The following SPOCK1 variants were observed in gnomAD, a reference collection of about 807,000 sequenced individuals.
SPOCK1 encodes the protein testican-1.
A neutral mutation model predicts 55.3 loss-of-function variants in SPOCK1; 23 were observed. The ratio of observed to expected loss-of-function variants is 0.42; its 90% CI spans 0.30 to 0.59. The LOEUF is 0.59. Ranked by LOEUF, SPOCK1 falls within the 20% of genes least tolerant of loss-of-function variation. SPOCK1 has a pLI of 0.22. For missense variants in SPOCK1, 499 were observed against 552.5 expected (o/e 0.90, Z 0.97); for synonymous variants, 226 against 221.0 (o/e 1.02, Z -0.20).
intron 4 of SPOCK1, among the ~76,000 whole-genome samples, chr5:137,137,752 G>T (rs1002316615): frequency 6.6e-6 from 1 of 152,234 alleles, no homozygotes; most frequent in African/African-American, 2.4e-5. Context: ...AACTGCAGAC[G>T]CAGGTGCAAT....
At chr5:137,273,320 A>T in intron 2 of SPOCK1, 1 of 948,076 alleles carries the variant, frequency 1.1e-6, no homozygotes, top group Non-Finnish European at 1.3e-6. Flanking sequence ...TTTACATTTT[A>T]TTTGGCAACT....
chr5:137,169,721 C>T lies in SPOCK1; in HGVS notation c.233-29027G>A, dbSNP rs1754712958. On this transcript the variant is annotated intron_variant, in intron 3 of 10. Coordinates refer to ENST00000394945, the MANE Select transcript of SPOCK1 (RefSeq NM_004598.4). ...TTTCACATGGATTATCTCATTTAGT[C>T]CTCATCAGAAGTCTGGGAAGTAAGA... Among the ~76,000 whole-genome samples, 3 of 152,166 alleles carry T rather than the reference C, an allele frequency of 2.0e-5. No individual in the cohort carries two copies. In the South Asian group the frequency reaches 6.2e-4, roughly 32 times the overall value.
intron 6 of SPOCK1, among the ~76,000 whole-genome samples, chr5:137,046,939 A>G (rs1165069209): frequency 5.7e-5 from 1 of 17,542 alleles, no homozygotes; most frequent in African/African-American, 1.1e-4. Flanking sequence ...GCTGGATTAC[A>G]TTTATTGATT....
At chr5:137,193,273 G>A (rs1052856363) in intron 3 of SPOCK1, among the ~76,000 whole-genome samples, 7 of 152,136 alleles carry the variant, frequency 4.6e-5, no homozygotes, top group Admixed American at 2.6e-4. Context: ...AGGAGGTCCA[G>A]GCAAGAGACA....
chr5:137,045,054 T>C (rs1184955767), intron 6 of SPOCK1, among the ~76,000 whole-genome samples: 3 of 142,810 alleles, frequency 2.1e-5, no homozygotes, highest in African/African-American at 7.9e-5. Flanking sequence ...TGTTGGACAT[T>C]TGGGTTGGTT....
intron 2 of SPOCK1, among the ~76,000 whole-genome samples, chr5:137,295,722 G>GAA (rs5871632): frequency 6.7e-6 from 1 of 149,706 alleles, no homozygotes; most frequent in Non-Finnish European, 1.5e-5. Flanking sequence ...CATTTTTACT[G>GAA]AAAAAAAAAA....
chr5:137,214,515 C>A (rs1409961455), intron 3 of SPOCK1, among the ~76,000 whole-genome samples: 1 of 150,576 alleles, frequency 6.6e-6, no homozygotes, highest in Non-Finnish European at 1.5e-5. Context: ...TACAGCCAAG[C>A]AGACTTGTGG....
intron 4 of SPOCK1, among the ~76,000 whole-genome samples, chr5:137,113,121 T>C (rs913460705): frequency 2.0e-5 from 3 of 152,246 alleles, no homozygotes; most frequent in Non-Finnish European, 2.9e-5. Context: ...TGCCATTTGA[T>C]AGAGGCTCTG....
chr5:137,060,041 A>G (rs1294574006), intron 6 of SPOCK1, among the ~76,000 whole-genome samples: 1 of 152,222 alleles, frequency 6.6e-6, no homozygotes, highest in Non-Finnish European at 1.5e-5. Context: ...GCTATTTGGC[A>G]ATTTCTCAAA....
chr5:137,088,682 C>A (rs1753003420), intron 5 of SPOCK1, among the ~76,000 whole-genome samples: 1 of 152,090 alleles, frequency 6.6e-6, no homozygotes, highest in Non-Finnish European at 1.5e-5. Flanking sequence ...AGGTCAGAGT[C>A]CCTGCCCTTA....
intron 5 of SPOCK1, among the ~76,000 whole-genome samples, chr5:137,090,506 G>A (rs2127019128): frequency 6.6e-6 from 1 of 152,290 alleles, no homozygotes; most frequent in Non-Finnish European, 1.5e-5. Context: ...GCCAGCATAA[G>A]TTAAGAGATA....
At chr5:137,205,529 G>A (rs1222604959) in intron 3 of SPOCK1, among the ~76,000 whole-genome samples, 1 of 152,202 alleles carries the variant, frequency 6.6e-6, no homozygotes, top group Non-Finnish European at 1.5e-5. Context: ...AATTGTCTGA[G>A]TCGGGTGGCA....
chr5:137,024,322 G>GGGT (rs1751631315), intron 6 of SPOCK1, among the ~76,000 whole-genome samples: 3 of 144,430 alleles, frequency 2.1e-5, no homozygotes, highest in Non-Finnish European at 3.0e-5. Context: ...GAAGGGGGGG[G>GGGT]GGTAGTTACA....
chr5:137,453,426 C>CAGT (rs1753297124), intron 2 of SPOCK1, among the ~76,000 whole-genome samples: 1 of 152,144 alleles, frequency 6.6e-6, no homozygotes, highest in Non-Finnish European at 1.5e-5. Flanking sequence ...AAAAACAGCC[C>CAGT]AGTAGTAAGA....
chr5:137,230,944 T>C (rs1756042235), intron 3 of SPOCK1, among the ~76,000 whole-genome samples: 1 of 151,878 alleles, frequency 6.6e-6, no homozygotes, highest in Admixed American at 6.6e-5. Flanking sequence ...TGTGTATGTA[T>C]GCCTAGTTCC....
chr5:137,208,568 C>T (rs540692957), intron 3 of SPOCK1, among the ~76,000 whole-genome samples: 13 of 152,308 alleles, frequency 8.5e-5, no homozygotes, highest in African/African-American at 2.9e-4. Flanking sequence ...AACATGGATG[C>T]AGCTGGAGGC....
At chr5:137,436,434 T>A (rs1752867152) in intron 2 of SPOCK1, among the ~76,000 whole-genome samples, 1 of 152,148 alleles carries the variant, frequency 6.6e-6, no homozygotes. Flanking sequence ...CACATTAGGC[T>A]CTGTTTCTAG....
chr5:137,233,149 G>T (rs1255850007), intron 3 of SPOCK1, among the ~76,000 whole-genome samples: 2 of 152,220 alleles, frequency 1.3e-5, no homozygotes, highest in East Asian at 1.9e-4. Flanking sequence ...TGGACCAGGG[G>T]AGGGGCAGGC....
chr5:137,474,179 A>T (rs1372514125), intron 2 of SPOCK1, among the ~76,000 whole-genome samples: 2 of 152,190 alleles, frequency 1.3e-5, no homozygotes, highest in Non-Finnish European at 2.9e-5. Context: ...CCACTAAAGA[A>T]GTTACATAAC....
Sources: gnomAD v4.1 joint callset for allele counts (sites outside exome capture counted in the v4.1 genomes callset) on GRCh38, gnomAD v4.1.1 for gene constraint, MANE v1.5 for transcripts, NCBI Gene and HGNC (gene_info 2026-07-23, HGNC 2026-07-21) for gene names.